ATP2B2: variants seen among roughly 807,000 people sequenced by gnomAD.
The protein encoded by ATP2B2 is ATPase plasma membrane Ca2+ transporting 2, also known as plasma membrane calcium-transporting ATPase 2.
ATP2B2 carries 15 observed loss-of-function variants against 120.0 expected under a neutral mutation model. That is an observed-to-expected ratio of 0.12 (90% CI 0.08 to 0.19). ATP2B2 has a LOEUF of 0.19. Among genes scored for constraint, ATP2B2 ranks in the 10% least tolerant of loss-of-function variants. The pLI is 1.00. For synonymous variants in ATP2B2, 694 were observed against 700.3 expected (o/e 0.99, Z 0.14); for missense variants, 1,045 against 1,719.8 (o/e 0.61, Z 6.94).
chr3:10,336,404 C>T (rs1211426790), intron 22 of ATP2B2: 34 of 1,144,158 alleles, frequency 3.0e-5, no homozygotes, highest in South Asian at 1.2e-4. Flanking sequence ...ACGGCAACAA[C>T]GACAATGTCA....
intron 2 of ATP2B2, among the ~76,000 whole-genome samples, chr3:10,554,301 A>G (rs2067733158): frequency 6.6e-6 from 1 of 152,210 alleles, no homozygotes; most frequent in Non-Finnish European, 1.5e-5. Flanking sequence ...TGTGGAAGGC[A>G]GAATAATGGC....
At chr3:10,645,620 G>A (rs2070303012) in intron 1 of ATP2B2, among the ~76,000 whole-genome samples, 2 of 152,182 alleles carry the variant, frequency 1.3e-5, no homozygotes, top group Admixed American at 6.5e-5. Flanking sequence ...CCCAAAAAAA[G>A]TCACAAAAGT....
At chr3:10,610,076 TACACACAC>T (rs34843797) in intron 2 of ATP2B2, among the ~76,000 whole-genome samples, 36 of 146,692 alleles carry the variant, frequency 2.5e-4, no homozygotes, top group South Asian at 2.0e-3. Context: ...TATACACACA[TACACACAC>T]ACACACACAC....
chr3:10,500,489 T>C (rs1419525624), intron 1 of ATP2B2, among the ~76,000 whole-genome samples: 2 of 151,914 alleles, frequency 1.3e-5, no homozygotes, highest in Non-Finnish European at 2.9e-5. Flanking sequence ...TGAAATCATC[T>C]TGGGTCTAGG....
chr3:10,514,626 G>T (rs2066840470), intron 3 of ATP2B2, among the ~76,000 whole-genome samples: 2 of 152,218 alleles, frequency 1.3e-5, no homozygotes, highest in South Asian at 4.1e-4. Context: ...CTGCAGCCAG[G>T]CCAGGGCTTG....
In ATP2B2 at chr3:10,375,673, G is replaced by A. The variant is rs548250025; in HGVS notation, c.1202-29C>T. On this transcript the variant is annotated intron_variant, in intron 10 of 22. Coordinates refer to ENST00000360273, the MANE Select transcript of ATP2B2 (RefSeq NM_001001331.4). This position sits in a 1 kb window ranked among gnomAD's most constrained non-coding sequence, Gnocchi z 4.2. ...CAATGTGAGGGACACATGCTTGGGG[G>A]GTTCCAGGAAGTGGAGGCTGGGGGT... The A allele has an allele frequency of 8.7e-6, 14 of 1,604,174 alleles. 1 individual carries two copies. In the South Asian group the frequency reaches 8.8e-5, roughly 10 times the overall value.
chr3:10,672,386 G>A (rs565376429), intron 1 of ATP2B2, among the ~76,000 whole-genome samples: 5 of 152,202 alleles, frequency 3.3e-5, no homozygotes, highest in African/African-American at 1.2e-4. Flanking sequence ...ACAGAAATGC[G>A]CAAAAGGAAA....
At chr3:10,535,121 C>T (rs185172008) in intron 2 of ATP2B2, among the ~76,000 whole-genome samples, 15 of 152,070 alleles carry the variant, frequency 9.9e-5, no homozygotes, top group Middle Eastern at 3.4e-3. Flanking sequence ...CCAGGCTGGT[C>T]TCCAACTCCT....
At chr3:10,389,135 G>C (rs2061771054) in intron 5 of ATP2B2, among the ~76,000 whole-genome samples, 1 of 152,230 alleles carries the variant, frequency 6.6e-6, no homozygotes, top group South Asian at 2.1e-4. Context: ...TCTCAAACTG[G>C]GTTCCAAAGG....
chr3:10,554,665 A>G (rs4684045), intron 2 of ATP2B2, among the ~76,000 whole-genome samples: 24,791 of 152,230 alleles, frequency 0.16, 2,266 homozygotes, highest in South Asian at 0.3. Context: ...CAGCTGATCA[A>G]TTTTAAATCC....
Position 10,449,677 on chromosome 3 carries a change from T to TC in ATP2B2, c.-135dup. ...GTGGCACCAGGCGGCCGACTCCGGG[T>TC]CCCGGGGGGTGGGGGTGGCCGAGGC... is the stretch of plus-strand genomic sequence containing the variant. On this transcript the variant is annotated 5_prime_UTR_variant, in exon 2 of 23. It introduces an in-frame stop codon into an upstream open reading frame of the 5' UTR. Transcript: ENST00000360273. 9.1e-7 allele frequency: 1 copy of TC among 1,093,010 alleles called. No individual in the cohort carries two copies. Among genetic ancestry groups the TC allele is most frequent in the Non-Finnish European group, 1.4e-6 (1 of 730,886 alleles). 67.7% of individuals were successfully genotyped at this position (1,093,010 alleles called of 1,614,324 possible).
At chr3:10,708,054 C>G (rs1396582349), upstream of ATP2B2, 11 of 144,254 alleles carry the variant, frequency 7.6e-5, no homozygotes, top group African/African-American at 2.8e-4. Flanking sequence ...CCCCGCGGCC[C>G]CGCCGCCGCC....
At chr3:10,493,025 T>C (rs2065995439) in intron 1 of ATP2B2, among the ~76,000 whole-genome samples, 1 of 152,034 alleles carries the variant, frequency 6.6e-6, no homozygotes, top group African/African-American at 2.4e-5. Flanking sequence ...ATTCATTTGT[T>C]CATTCATTCA....
At chr3:10,629,245 T>C (rs544865634) in intron 1 of ATP2B2, among the ~76,000 whole-genome samples, 71 of 152,352 alleles carry the variant, frequency 4.7e-4, no homozygotes, top group Middle Eastern at 3.4e-3. Context: ...GAGCGTCACC[T>C]GGCTCGACCT....
intron 1 of ATP2B2, among the ~76,000 whole-genome samples, chr3:10,687,632 G>A (rs1056586290): frequency 1.3e-5 from 2 of 152,170 alleles, no homozygotes; most frequent in South Asian, 4.1e-4. Context: ...AGGCTGAGAA[G>A]GGCCAATCAT....
intron 1 of ATP2B2, among the ~76,000 whole-genome samples, chr3:10,700,785 TG>T (rs1376864361): frequency 1.3e-5 from 2 of 152,370 alleles, no homozygotes; most frequent in East Asian, 3.9e-4. Context: ...ATGTCCATCA[TG>T]GGTTGGCTGT....
chr3:10,401,661 C>T (rs562329947), intron 4 of ATP2B2, among the ~76,000 whole-genome samples: 1 of 152,218 alleles, frequency 6.6e-6, no homozygotes, highest in African/African-American at 2.4e-5. Flanking sequence ...CACCTACACA[C>T]TTTCTAACAT....
rs2060449137 is a variant in ATP2B2, at chr3:10,346,983, A to C, written c.2405-846T>G. Among the ~76,000 whole-genome samples the C allele has an allele frequency of 6.7e-6, 1 of 149,946 alleles. No homozygotes were observed. ...CTTTGTTTCCTCTCACTGACTCTGG[A>C]CTCCCCCTCCAACTTGCTTCCCCAC... On this transcript the variant is annotated intron_variant, in intron 16 of 22. Coordinates refer to ENST00000360273, the MANE Select transcript of ATP2B2 (RefSeq NM_001001331.4). This position sits in a 1 kb window ranked among gnomAD's most constrained non-coding sequence, Gnocchi z 4.1.
chr3:10,527,021 G>T (rs955492084), intron 3 of ATP2B2, among the ~76,000 whole-genome samples: 1 of 152,162 alleles, frequency 6.6e-6, no homozygotes, highest in African/African-American at 2.4e-5. Context: ...GGGGTCAAAG[G>T]GTCGAGAGCG....
Sources: gnomAD v4.1 joint callset for allele counts (sites outside exome capture counted in the v4.1 genomes callset) on GRCh38, gnomAD v4.1.1 for gene constraint, Gnocchi (gnomAD v3.1) non-coding constraint, MANE v1.5 for transcripts, NCBI Gene and HGNC (gene_info 2026-07-23, HGNC 2026-07-21) for gene names.